DOK6: variants seen among roughly 807,000 people sequenced by gnomAD.
The protein encoded by DOK6 is docking protein 6.
Under a neutral mutation model 44.0 loss-of-function variants are expected in DOK6, and 22 were observed. That is an observed-to-expected ratio of 0.50 (90% CI 0.36 to 0.71). The LOEUF is 0.71. Ranked by LOEUF, DOK6 falls within the 30% of genes least tolerant of loss-of-function variation. The pLI is 0.00. For missense variants in DOK6, 340 were observed against 416.4 expected, an observed-to-expected ratio of 0.82 and a Z score of 1.60; for synonymous variants, 166 against 145.5, an observed-to-expected ratio of 1.14 and a Z score of -1.01.
intron 1 of DOK6, among the ~76,000 whole-genome samples, chr18:69,485,888 T>A (rs901125480): frequency 4.0e-5 from 6 of 151,034 alleles, no homozygotes; most frequent in African/African-American, 1.5e-4. Flanking sequence ...TATATGTGTG[T>A]GTGTGTGTGT....
chr18:69,584,488 C>T (rs1411498681), intron 2 of DOK6, among the ~76,000 whole-genome samples: 2 of 152,120 alleles, frequency 1.3e-5, no homozygotes, highest in Non-Finnish European at 2.9e-5. Flanking sequence ...GACGGGTTTT[C>T]ACCATGTTGG....
At chr18:69,634,997 G>A (rs781771860) in intron 3 of DOK6, among the ~76,000 whole-genome samples, 10 of 151,946 alleles carry the variant, frequency 6.6e-5, no homozygotes, top group Admixed American at 1.3e-4. Flanking sequence ...TCTTCCTGCC[G>A]CAGACAGCCA....
chr18:69,793,214 A>G (rs758651814), intron 7 of DOK6, among the ~76,000 whole-genome samples: 9 of 152,188 alleles, frequency 5.9e-5, no homozygotes, highest in Admixed American at 2.0e-4. Context: ...GACTTTGACC[A>G]TGATTTTCAG....
chr18:69,479,021 G>A lies in DOK6; in HGVS notation c.66+77711G>A, dbSNP rs530169787. Among the ~76,000 whole-genome samples, 92 of 152,206 alleles carry A rather than the reference G, an allele frequency of 6.0e-4. 1 individual carries two copies. The highest frequency in any genetic ancestry group is 2.5e-4 in the Non-Finnish European group (17 of 68,000). ...TACATCCAATTTAGATATTTTGTCCGTTTCATTTTTGCTAAACTGTTTCTT... is the reference window on the plus strand; with the variant it reads ...TACATCCAATTTAGATATTTTGTCCATTTCATTTTTGCTAAACTGTTTCTT... On this transcript the variant is annotated intron_variant, in intron 1 of 7. Coordinates refer to ENST00000382713, the MANE Select transcript of DOK6 (RefSeq NM_152721.6).
rs375713648 is a variant in DOK6, at chr18:69,417,025, C to A, written c.66+15715C>A. On this transcript the variant is annotated intron_variant, in intron 1 of 7. Transcript: ENST00000382713. The stretch of plus-strand genomic sequence containing the variant: ...ATAATGCAATGTATAATGATCAAAT[C>A]TTGGTTATTGGGATATTCATCACCT... Among the ~76,000 whole-genome samples the A allele has an allele frequency of 2.5e-4, 38 of 152,188 alleles. No individual in the cohort carries two copies. The East Asian group carries it at 2.7e-3, about 11-fold the overall frequency.
At chr18:69,729,761 G>A (rs1169240537) in intron 5 of DOK6, among the ~76,000 whole-genome samples, 1 of 152,156 alleles carries the variant, frequency 6.6e-6, no homozygotes, top group Non-Finnish European at 1.5e-5. Context: ...CCCCAAATGT[G>A]AGGGCAGATA....
chr18:69,747,671 T>G (rs1305979551), intron 6 of DOK6, among the ~76,000 whole-genome samples: 2 of 151,826 alleles, frequency 1.3e-5, no homozygotes, highest in Non-Finnish European at 2.9e-5. Context: ...CTGTTTTCTA[T>G]TGGGAGCTCT....
chr18:69,721,856 T>C (rs1463251417), intron 5 of DOK6, among the ~76,000 whole-genome samples: 1 of 152,222 alleles, frequency 6.6e-6, no homozygotes. Flanking sequence ...TCTTTTTAAA[T>C]AGAATGAAGC....
chr18:69,603,199 C>T (rs1364377799), intron 3 of DOK6, among the ~76,000 whole-genome samples: 1 of 152,152 alleles, frequency 6.6e-6, no homozygotes, highest in Non-Finnish European at 1.5e-5. Flanking sequence ...ATTATCGAGG[C>T]CCTGCTTGGT....
chr18:69,609,352 A>G (rs1411066471), intron 3 of DOK6, among the ~76,000 whole-genome samples: 1 of 152,206 alleles, frequency 6.6e-6, no homozygotes, highest in Non-Finnish European at 1.5e-5. Context: ...ACATCTTTCC[A>G]AAGAAGACAT....
rs558163063 is a variant in DOK6, at chr18:69,781,726, C to T, written c.856+23853C>T. The stretch of plus-strand genomic sequence containing the variant: ...CATTTTCATATATTGAAATCATTTA[C>T]CATTTTATGCAAATGACATCATTTG... On this transcript the variant is annotated intron_variant, in intron 7 of 7. Coordinates refer to ENST00000382713, the MANE Select transcript of DOK6 (RefSeq NM_152721.6). Among the ~76,000 whole-genome samples the T allele has an allele frequency of 7.2e-5, 11 of 152,132 alleles. No individual in the cohort carries two copies. In the South Asian group the frequency reaches 2.3e-3, roughly 32 times the overall value.
At chr18:69,643,765 C>T (rs1016826866) in intron 3 of DOK6, 2 of 152,144 alleles carry the variant, frequency 1.3e-5, no homozygotes, top group African/African-American at 4.8e-5. Flanking sequence ...GATAAATGCT[C>T]AAGGGGCTAA....
At chr18:69,413,652 T>A (rs1376479466) in intron 1 of DOK6, among the ~76,000 whole-genome samples, 1 of 151,896 alleles carries the variant, frequency 6.6e-6, no homozygotes, top group African/African-American at 2.4e-5. Context: ...CTATAAAAAA[T>A]TTTTGGAAAA....
intron 5 of DOK6, among the ~76,000 whole-genome samples, chr18:69,726,844 A>T (rs1249569764): frequency 7.6e-6 from 1 of 131,754 alleles, no homozygotes; most frequent in African/African-American, 2.8e-5. Context: ...TTGTTTTGTG[A>T]TCCTTTTTAA....
chr18:69,729,186 TAC>T (rs1978332298), intron 5 of DOK6, among the ~76,000 whole-genome samples: 1 of 152,214 alleles, frequency 6.6e-6, no homozygotes, highest in Admixed American at 6.5e-5. Context: ...TTCATATATA[TAC>T]AGACATACAT....
At chr18:69,690,739 A>T (rs1986246555) in intron 4 of DOK6, among the ~76,000 whole-genome samples, 1 of 152,234 alleles carries the variant, frequency 6.6e-6, no homozygotes, top group African/African-American at 2.4e-5. Context: ...GCATTAGTCC[A>T]GTTTTTCTAA....
intron 3 of DOK6, among the ~76,000 whole-genome samples, chr18:69,667,390 C>T (rs1428068144): frequency 6.6e-6 from 1 of 152,204 alleles, no homozygotes; most frequent in African/African-American, 2.4e-5. Flanking sequence ...TCTCTTCTCT[C>T]CTGCTTTCTC....
chr18:69,513,474 G>A (rs1164633377), intron 1 of DOK6, among the ~76,000 whole-genome samples: 1 of 152,170 alleles, frequency 6.6e-6, no homozygotes, highest in Non-Finnish European at 1.5e-5. Flanking sequence ...TCCAGATAAT[G>A]AGGATTTCCA....
chr18:69,782,276 A>T (rs1374030031), intron 7 of DOK6, among the ~76,000 whole-genome samples: 1 of 143,658 alleles, frequency 7.0e-6, no homozygotes, highest in Non-Finnish European at 1.5e-5. Context: ...CAGCGGCGAG[A>T]TCTCAGCTCA....
Sources: allele counts gnomAD v4.1 joint callset (sites outside exome capture counted in the v4.1 genomes callset), GRCh38; gene constraint gnomAD v4.1.1; transcripts MANE v1.5; gene names NCBI Gene and HGNC (gene_info 2026-07-23, HGNC 2026-07-21).